Variants in ARHGEF28 observed in about 807,000 individuals in gnomAD.
The protein encoded by ARHGEF28 is Rho guanine nucleotide exchange factor 28, also known as 190 kDa guanine nucleotide exchange factor.
Under a neutral mutation model 206.6 loss-of-function variants are expected in ARHGEF28, and 152 were observed. The observed-to-expected ratio is 0.74, with a 90% CI of 0.64 to 0.84. The LOEUF is 0.84. ARHGEF28 is among the 40% of genes least tolerant of loss of function. The probability of loss-of-function intolerance (pLI) is 0.00; values close to 1 mark genes in which losing one functional copy is unlikely to be tolerated. For synonymous variants in ARHGEF28, 763 were observed against 776.4 expected (o/e 0.98, Z 0.29); for missense variants, 2,028 against 2,073.2 (o/e 0.98, Z 0.42).
chr5:73,726,181 C>A (rs1305472272), intron 2 of ARHGEF28, among the ~76,000 whole-genome samples: 2 of 152,100 alleles, frequency 1.3e-5, no homozygotes, highest in Non-Finnish European at 2.9e-5. Context: ...TGCACAAATA[C>A]CCCTCAGTGA....
intron 5 of ARHGEF28, among the ~76,000 whole-genome samples, chr5:73,774,297 A>G (rs1304713961): frequency 6.6e-6 from 1 of 152,234 alleles, no homozygotes; most frequent in Non-Finnish European, 1.5e-5. Context: ...ACTAGCATTT[A>G]GATTTCAGCT....
At chr5:73,843,710 ATTATG>A (rs1406534031) in intron 11 of ARHGEF28, among the ~76,000 whole-genome samples, 5 of 152,234 alleles carry the variant, frequency 3.3e-5, no homozygotes, top group African/African-American at 7.2e-5. Context: ...CTATGTAACC[ATTATG>A]TTATATTATT....
chr5:73,909,483 T>C lies in ARHGEF28; in HGVS notation c.4233T>C (p.Ser1411=). Residue 1411 remains serine, a synonymous_variant, in exon 34 of 36, where the codon TCT becomes TCC. Coordinates refer to ENST00000513042, the MANE Select transcript of ARHGEF28 (RefSeq NM_001177693.2). ...RLVLQQQEGL[S]LGHSILRGGP... Reference sequence around the variant, plus strand: ...TTCTCCAGCAGCAGGAGGGCCTGTCTCTCGGCCACTCTATCCTCCGAGGCG... The same window carrying C: ...TTCTCCAGCAGCAGGAGGGCCTGTCCCTCGGCCACTCTATCCTCCGAGGCG... The C allele has an allele frequency of 1.2e-6, 2 of 1,612,462 alleles. No individual in the cohort carries two copies. Among genetic ancestry groups the C allele is most frequent in the Non-Finnish European group, 1.7e-6 (2 of 1,179,514 alleles).
In ARHGEF28 at chr5:73,909,437, A is replaced by G. The variant is rs757176786; in HGVS notation, c.4187A>G (p.His1396Arg). Residue 1396 changes from histidine to arginine, a missense_variant, in exon 34 of 36, where the codon CAC (histidine) becomes CGC (arginine). By Grantham distance (29) the His-to-Arg change is conservative. Transcript: ENST00000513042. ...GCCGCCTTGACCATTCAGGACAGCC[A>G]CATTGAGATCCACAGGCTGGTTCTC... ...LQAALTIQDS[H>R]IEIHRLVLQQ... The G allele has an allele frequency of 1.2e-6, 2 of 1,611,542 alleles. No individual in the cohort carries two copies. The highest frequency in any genetic ancestry group is 2.2e-5 in the East Asian group (1 of 44,816).
chr5:73,723,872 G>T (rs980282438), intron 2 of ARHGEF28, among the ~76,000 whole-genome samples: 3 of 152,206 alleles, frequency 2.0e-5, no homozygotes, highest in African/African-American at 7.2e-5. Flanking sequence ...AAGAAAACTA[G>T]AAGTATTCAA....
intron 9 of ARHGEF28, chr5:73,828,020 T>G (rs1367427977): frequency 6.6e-6 from 1 of 152,192 alleles, no homozygotes; most frequent in Non-Finnish European, 1.5e-5. Flanking sequence ...TTGGGGACTT[T>G]CTGACCTAAC....
chr5:73,914,453 G>C (rs1580094537), intron 35 of ARHGEF28, among the ~76,000 whole-genome samples: 1 of 142,574 alleles, frequency 7.0e-6, no homozygotes, highest in East Asian at 2.1e-4. Context: ...CTGGAGTGCA[G>C]TGGTAATATC....
intron 16 of ARHGEF28, among the ~76,000 whole-genome samples, chr5:73,859,488 A>G (rs1759257686): frequency 6.6e-6 from 1 of 152,238 alleles, no homozygotes; most frequent in African/African-American, 2.4e-5. Flanking sequence ...TGATCAAAAT[A>G]CAATCCACAT....
At position 73,909,585 on chromosome 5, in the gene ARHGEF28, C is replaced by T. The variant is rs1490168944; in HGVS notation, c.4335C>T (p.His1445=). Residue 1445 remains histidine (H), a synonymous_variant, in exon 34 of 36, where the codon CAC becomes CAT. Transcript: ENST00000513042. ...TGGCCAATGTGCACCAGCTTCAGCA[C>T]CAGCTCCAGCAGGAGCAGCGGCGCT... ...EELANVHQLQ[H]QLQQEQRRWL... The T allele has an allele frequency of 6.4e-7, 1 of 1,560,932 alleles. No homozygotes were observed. Among genetic ancestry groups the T allele is most frequent in the Non-Finnish European group, 8.7e-7 (1 of 1,152,958 alleles).
chr5:73,792,282 C>T (rs564129497), intron 7 of ARHGEF28, among the ~76,000 whole-genome samples: 7 of 152,212 alleles, frequency 4.6e-5, no homozygotes, highest in South Asian at 2.1e-4. Context: ...CTGGACTACA[C>T]GGAAAAACGT....
In ARHGEF28 at chr5:73,700,492, G is replaced by A. The variant is rs1748531465; in HGVS notation, c.33+15608G>A. On this transcript the variant is annotated intron_variant, in intron 2 of 35. Transcript: ENST00000513042. ...ATTTAAAGTCATAAGAGAGAGGAGA[G>A]GATGGGGATAGGTTGGTCAGTGGGT... Among the ~76,000 whole-genome samples, 3 of 152,276 alleles carry A rather than the reference G, an allele frequency of 2.0e-5. No homozygotes were observed. The South Asian group carries it at 6.2e-4, about 32-fold the overall frequency.
intron 12 of ARHGEF28, among the ~76,000 whole-genome samples, chr5:73,846,991 A>G (rs1437911947): frequency 1.3e-5 from 2 of 152,152 alleles, no homozygotes; most frequent in South Asian, 2.1e-4. Flanking sequence ...CTTGTTGGCT[A>G]TTTCACATTG....
At chr5:73,859,804 C>A (rs751506344) in intron 16 of ARHGEF28, among the ~76,000 whole-genome samples, 9 of 152,120 alleles carry the variant, frequency 5.9e-5, no homozygotes, top group Non-Finnish European at 1.3e-4. Flanking sequence ...GACTTGAGCC[C>A]TTCGATGCAT....
chr5:73,656,008 C>T (rs935679214), intron 1 of ARHGEF28, among the ~76,000 whole-genome samples: 1 of 152,138 alleles, frequency 6.6e-6, no homozygotes, highest in African/African-American at 2.4e-5. Flanking sequence ...TTTCTAAGAA[C>T]CAGTTTTTGA....
In ARHGEF28 at chr5:73,655,270, A is replaced by G. The variant is rs551021362; in HGVS notation, c.-12+28948A>G. Among the ~76,000 whole-genome samples, 3 of 152,346 alleles carry G rather than the reference A, an allele frequency of 2.0e-5. No homozygotes were observed. The East Asian group carries it at 5.8e-4, about 29-fold the overall frequency. ...TAGGAGTTTGGCCTAACTATGGTTCACAGGTCAACATGTTTAACCTTTATG... is the reference window on the plus strand; with the variant it reads ...TAGGAGTTTGGCCTAACTATGGTTCGCAGGTCAACATGTTTAACCTTTATG... On this transcript the variant is annotated intron_variant, in intron 1 of 35. Coordinates refer to ENST00000513042, the MANE Select transcript of ARHGEF28 (RefSeq NM_001177693.2).
In ARHGEF28 at chr5:73,894,417, A is replaced by C. The variant is rs1390934788; in HGVS notation, c.3683A>C (p.Gln1228Pro). 1 of 1,612,716 alleles carries C rather than the reference A, an allele frequency of 6.2e-7. No homozygotes were observed. ...CQEILTNQDQ[Q>P]ICAYLEEKLH... is the part of the protein sequence containing the mutation. ...GAAATACTCACTAACCAAGACCAAC[A>C]AATTTGTGCGTATTTGGAGGAGAAG... is the stretch of plus-strand genomic sequence containing the variant. Residue 1228 changes from glutamine (Q) to proline (P), a missense_variant, in exon 29 of 36, where the codon CAA (glutamine) becomes CCA (proline). Physicochemically the swap from Gln to Pro is moderately conservative, Grantham distance 76. Around this residue, in one of 3 missense-constraint regions of ARHGEF28, gnomAD observed 803 missense variants for 768.0 expected, o/e 1.05. Transcript: ENST00000513042.
intron 2 of ARHGEF28, among the ~76,000 whole-genome samples, chr5:73,697,144 T>C (rs1748267039): frequency 6.6e-6 from 1 of 152,212 alleles, no homozygotes; most frequent in African/African-American, 2.4e-5. Context: ...GGCTGAGAAC[T>C]AGAACTTAAC....
intron 4 of ARHGEF28, among the ~76,000 whole-genome samples, chr5:73,761,620 A>C (rs1263041356): frequency 4.6e-5 from 7 of 152,160 alleles, no homozygotes; most frequent in Non-Finnish European, 1.0e-4. Flanking sequence ...GTATGGATAG[A>C]AACCTCAAAA....
chr5:73,707,983 A>C (rs1256296487), intron 2 of ARHGEF28, among the ~76,000 whole-genome samples: 1 of 152,078 alleles, frequency 6.6e-6, no homozygotes, highest in Non-Finnish European at 1.5e-5. Flanking sequence ...TTCTCTGACA[A>C]TGGGAAATTT....
Sources: allele counts gnomAD v4.1 joint callset (sites outside exome capture counted in the v4.1 genomes callset), GRCh38; gene constraint gnomAD v4.1.1; regional missense constraint gnomAD v4.1.1; transcripts MANE v1.5; gene names NCBI Gene and HGNC (gene_info 2026-07-23, HGNC 2026-07-21).